GLDN: variants seen among roughly 807,000 people sequenced by gnomAD.
The protein encoded by GLDN is collomin.
In GLDN, 47 loss-of-function variants were observed where a neutral mutation model predicts 56.5. The observed-to-expected ratio is 0.83, with a 90% confidence interval of 0.66 to 1.06. GLDN has a LOEUF of 1.06. GLDN is among the 50% of genes least tolerant of loss of function. The pLI is 0.00. For missense variants in GLDN, 782 were observed against 714.3 expected (o/e 1.09, Z -1.08); for synonymous variants, 332 against 278.8 (o/e 1.19, Z -1.90).
intron 4 of GLDN, among the ~76,000 whole-genome samples, chr15:51,387,199 G>A (rs994559116): frequency 3.3e-5 from 5 of 152,098 alleles, no homozygotes; most frequent in African/African-American, 7.2e-5. Flanking sequence ...GCAGCAAGAC[G>A]AGCACCAGGA....
At chr15:51,392,007 C>T (rs1045029913) in intron 4 of GLDN, among the ~76,000 whole-genome samples, 4 of 152,212 alleles carry the variant, frequency 2.6e-5, no homozygotes, top group Admixed American at 6.5e-5. Context: ...CAGTTTTCTT[C>T]TAACAGTGAT....
intron 2 of GLDN, 106 bp downstream of exon 2, chr15:51,377,606 T>G: frequency 1.3e-6 from 1 of 743,174 alleles, no homozygotes; most frequent in Non-Finnish European, 2.2e-6. Context: ...AAATACATGT[T>G]GGTTTACTTT....
At chr15:51,403,862 A>G (rs1186718177) in intron 9 of GLDN, among the ~76,000 whole-genome samples, 1 of 152,186 alleles carries the variant, frequency 6.6e-6, no homozygotes, top group Admixed American at 6.5e-5. Flanking sequence ...TTTGCTTATA[A>G]AATGAAAAGA....
intron 5 of GLDN, 70 bp downstream of exon 5, chr15:51,395,051 A>G: frequency 7.0e-7 from 1 of 1,427,038 alleles, no homozygotes; most frequent in Non-Finnish European, 9.3e-7. Flanking sequence ...TTCCAACACC[A>G]GGGCTGCTCC....
intron 9 of GLDN, among the ~76,000 whole-genome samples, chr15:51,402,028 C>A (rs984892494): frequency 2.6e-5 from 4 of 152,198 alleles, no homozygotes; most frequent in Non-Finnish European, 5.9e-5. Flanking sequence ...CCGCAGCTTC[C>A]CCATCCTCTG....
intron 1 of GLDN, among the ~76,000 whole-genome samples, chr15:51,355,808 C>A (rs1157880028): frequency 6.7e-6 from 1 of 148,272 alleles, no homozygotes; most frequent in African/African-American, 2.5e-5. Context: ...CAGGCGTGAG[C>A]CACCACACCC....
At chr15:51,371,038 C>G (rs774431776) in intron 1 of GLDN, among the ~76,000 whole-genome samples, 2 of 151,988 alleles carry the variant, frequency 1.3e-5, no homozygotes, top group Non-Finnish European at 2.9e-5. Context: ...CCTTCTTATT[C>G]CCTAGTCTCA....
chr15:51,383,694 A>C (rs2037820108), intron 3 of GLDN, 91 bp from the exon 4 acceptor site: 1 of 1,056,306 alleles, frequency 9.5e-7, no homozygotes, highest in African/African-American at 1.6e-5. Flanking sequence ...ATGCCTGCTC[A>C]GTTTCACTGG....
chr15:51,408,378 G>T (rs962246132), downstream of GLDN, among the ~76,000 whole-genome samples: 9 of 152,114 alleles, frequency 5.9e-5, no homozygotes, highest in Non-Finnish European at 1.2e-4. Flanking sequence ...ATCCCTCAGA[G>T]CCTCTTTCAT....
intron 4 of GLDN, chr15:51,384,840 T>G (rs2037853753): frequency 6.6e-6 from 1 of 152,256 alleles, no homozygotes; most frequent in Non-Finnish European, 1.5e-5. Flanking sequence ...TTTCAACCTC[T>G]TGGCTCTGCT....
At position 51,404,913 on chromosome 15, in the gene GLDN, G is replaced by C. The variant is rs930727018; in HGVS notation, c.*159G>C. ...AGCCCCGCTTAGTGAAATAGCAACAGATTGGAAGTTGAAATGGCTGAGATT... is the reference window on the plus strand; with the variant it reads ...AGCCCCGCTTAGTGAAATAGCAACACATTGGAAGTTGAAATGGCTGAGATT... On this transcript the variant is annotated 3_prime_UTR_variant, in exon 10 of 10. Transcript: ENST00000335449. The C allele has an allele frequency of 1.6e-6, 1 of 616,370 alleles. No individual in the cohort carries two copies. 38.2% of individuals were successfully genotyped at this position (616,370 alleles called of 1,614,324 possible).
intron 8 of GLDN, 28 bp downstream of exon 8, chr15:51,400,526 T>A: frequency 6.2e-7 from 1 of 1,606,862 alleles, no homozygotes. Flanking sequence ...ATGACCCATA[T>A]CTGTGTGGTA....
intron 1 of GLDN, among the ~76,000 whole-genome samples, chr15:51,353,355 A>G (rs1468462426): frequency 6.6e-6 from 1 of 151,570 alleles, no homozygotes; most frequent in African/African-American, 2.4e-5. Flanking sequence ...TGTGTATGAA[A>G]CTCTTCGTTG....
intron 1 of GLDN, among the ~76,000 whole-genome samples, chr15:51,360,815 C>G (rs562228957): frequency 1.3e-5 from 2 of 152,254 alleles, no homozygotes; most frequent in South Asian, 4.1e-4. Flanking sequence ...ACTTATTGTT[C>G]ACGACATAGG....
intron 2 of GLDN, among the ~76,000 whole-genome samples, chr15:51,381,442 C>G (rs2037758074): frequency 6.6e-6 from 1 of 152,188 alleles, no homozygotes; most frequent in Non-Finnish European, 1.5e-5. Flanking sequence ...CATGGAGACA[C>G]AGGCTGTACT....
intron 1 of GLDN, among the ~76,000 whole-genome samples, chr15:51,372,136 ACT>A (rs1176743058): frequency 6.6e-6 from 1 of 151,724 alleles, no homozygotes; most frequent in Non-Finnish European, 1.5e-5. Context: ...CTCACTCAGG[ACT>A]CTCTTCCTCT....
intron 1 of GLDN, among the ~76,000 whole-genome samples, chr15:51,364,536 C>T (rs1186402278): frequency 2.6e-5 from 4 of 152,300 alleles, no homozygotes; most frequent in African/African-American, 9.6e-5. Context: ...CGAGTCACTG[C>T]ACCTGGCCTG....
chr15:51,350,034 C>A (rs779025263), intron 1 of GLDN, among the ~76,000 whole-genome samples: 2 of 152,182 alleles, frequency 1.3e-5, no homozygotes, highest in Non-Finnish European at 2.9e-5. Context: ...TGAGCCACCG[C>A]ACCCGGCCTA....
At chr15:51,369,996 G>C (rs1387885026) in intron 1 of GLDN, among the ~76,000 whole-genome samples, 1 of 152,156 alleles carries the variant, frequency 6.6e-6, no homozygotes, top group Non-Finnish European at 1.5e-5. Flanking sequence ...CATGTCTGTA[G>C]TCCCAGCTAC....
Sources: allele counts gnomAD v4.1 joint callset (sites outside exome capture counted in the v4.1 genomes callset), GRCh38; gene constraint gnomAD v4.1.1; transcripts MANE v1.5; gene names NCBI Gene and HGNC (gene_info 2026-07-23, HGNC 2026-07-21).